The following WDPCP variants were observed in gnomAD, a reference collection of about 807,000 sequenced individuals.
The protein encoded by WDPCP is WD repeat-containing and planar cell polarity effector protein fritz homolog.
A neutral mutation model predicts 93.1 loss-of-function variants in WDPCP; 71 were observed. The observed-to-expected ratio is 0.76, with a 90% CI of 0.63 to 0.93. The LOEUF is 0.93. Ranked by LOEUF, WDPCP falls within the 40% of genes least tolerant of loss-of-function variation. The pLI, the probability that WDPCP is intolerant of heterozygous loss-of-function variation, is 0.00. For missense variants in WDPCP, 844 were observed against 887.4 expected (o/e 0.95, Z 0.62); for synonymous variants, 315 against 315.0 (o/e 1.00, Z 0.00).
At chr2:63,389,228 G>C (rs1197296030) in intron 10 of WDPCP, among the ~76,000 whole-genome samples, 1 of 152,152 alleles carries the variant, frequency 6.6e-6, no homozygotes, top group Non-Finnish European at 1.5e-5. Flanking sequence ...AGCCAGAAGA[G>C]GGTGGGGGCA....
intron 12 of WDPCP, among the ~76,000 whole-genome samples, chr2:63,330,355 T>C (rs990494689): frequency 6.6e-6 from 1 of 152,338 alleles, no homozygotes; most frequent in South Asian, 2.1e-4. Context: ...TCTTTCCATA[T>C]ACCTGTTGGA....
chr2:63,199,778 G>A (rs1559196185), intron 14 of WDPCP, among the ~76,000 whole-genome samples: 1 of 152,204 alleles, frequency 6.6e-6, no homozygotes, highest in African/African-American at 2.4e-5. Context: ...CTGGGGCACT[G>A]CCTAGTGGAG....
At chr2:63,335,712 C>T (rs545890338) in intron 12 of WDPCP, among the ~76,000 whole-genome samples, 28 of 152,220 alleles carry the variant, frequency 1.8e-4, no homozygotes, top group Non-Finnish European at 2.8e-4. Flanking sequence ...GTCAGAGGCA[C>T]GTGAACCGGA....
intron 2 of WDPCP, among the ~76,000 whole-genome samples, chr2:63,799,154 G>A (rs552090707): frequency 3.9e-5 from 6 of 152,158 alleles, no homozygotes; most frequent in Middle Eastern, 6.8e-3. Context: ...TCCCTATTAC[G>A]TATGTCAACT....
At chr2:63,398,545 G>A (rs998477659) in intron 10 of WDPCP, among the ~76,000 whole-genome samples, 2 of 152,038 alleles carry the variant, frequency 1.3e-5, no homozygotes, top group Non-Finnish European at 1.5e-5. Flanking sequence ...TTAAGAAATG[G>A]AAGCTCTAGC....
intron 3 of WDPCP, among the ~76,000 whole-genome samples, chr2:63,629,471 G>A (rs1404899966): frequency 3.3e-5 from 5 of 152,162 alleles, no homozygotes; most frequent in African/African-American, 7.2e-5. Context: ...GACTTCCACC[G>A]TACTCGGTAT....
chr2:63,453,618 CA>C (rs1294633968), intron 6 of WDPCP, among the ~76,000 whole-genome samples: 1 of 152,162 alleles, frequency 6.6e-6, no homozygotes, highest in Non-Finnish European at 1.5e-5. Flanking sequence ...GAATATAAAT[CA>C]TGCTGCTATA....
intron 14 of WDPCP, among the ~76,000 whole-genome samples, chr2:63,243,455 T>C (rs34984815): frequency 0.16 from 24,822 of 152,104 alleles, 2,267 homozygotes; most frequent in Admixed American, 0.24. Flanking sequence ...TTTGTGAACA[T>C]CTCCCATTTT....
chr2:63,834,251 A>G, the WDPCP span, among the ~76,000 whole-genome samples: 1 of 152,230 alleles, frequency 6.6e-6, no homozygotes, highest in Admixed American at 6.5e-5. Flanking sequence ...GCAGTCTTCA[A>G]TAAATTTCTA....
intron 2 of WDPCP, among the ~76,000 whole-genome samples, chr2:63,661,368 T>A (rs556042573): frequency 6.6e-6 from 1 of 152,192 alleles, no homozygotes; most frequent in Non-Finnish European, 1.5e-5. Flanking sequence ...TGCTGTTTCC[T>A]TAGTGAGTAT....
At chr2:63,387,553 C>T (rs975621881) in intron 10 of WDPCP, among the ~76,000 whole-genome samples, 1 of 151,950 alleles carries the variant, frequency 6.6e-6, no homozygotes, top group Non-Finnish European at 1.5e-5. Context: ...TGGGCAAAAG[C>T]TGGAAAACTG....
chr2:63,123,299 A>G (rs1197318977), intron 17 of WDPCP, among the ~76,000 whole-genome samples: 5 of 152,130 alleles, frequency 3.3e-5, no homozygotes, highest in Non-Finnish European at 5.9e-5. Flanking sequence ...TTGTTCATCA[A>G]CTGGCAGAGA....
chr2:63,573,367 T>C (rs943584781), intron 1 of WDPCP, among the ~76,000 whole-genome samples: 3 of 152,286 alleles, frequency 2.0e-5, no homozygotes, highest in East Asian at 1.9e-4. Context: ...GGCAGAAGAA[T>C]GTGGATTGTG....
At position 63,482,798 on chromosome 2, in the gene WDPCP, G is replaced by C. The variant is rs532355926; in HGVS notation, c.384+1806C>G. Among the ~76,000 whole-genome samples the C allele has an allele frequency of 5.3e-5, 8 of 151,884 alleles. No individual in the cohort carries two copies. In the South Asian group the frequency reaches 1.7e-3, roughly 32 times the overall value. The stretch of plus-strand genomic sequence containing the variant: ...TGCTGAGAGTATAAGGTCTATTTTA[G>C]AAATATCTTTATAATCATAGAAATG... On this transcript the variant is annotated intron_variant, in intron 6 of 17. Transcript: ENST00000272321.
chr2:63,571,691 T>G (rs1286154863), intron 1 of WDPCP: 1 of 460,270 alleles, frequency 2.2e-6, no homozygotes, highest in African/African-American at 2.0e-5. Flanking sequence ...TATTTTAAGA[T>G]GCCAGAAAAG....
At chr2:63,836,802 T>C in the WDPCP span, among the ~76,000 whole-genome samples, 1 of 152,166 alleles carries the variant, frequency 6.6e-6, no homozygotes. Context: ...GAAAACAAAA[T>C]AGTAAGGACC....
chr2:63,369,012 A>G (rs1691165909), intron 12 of WDPCP: 1 of 154,390 alleles, frequency 6.5e-6, no homozygotes, highest in African/African-American at 2.4e-5. Flanking sequence ...GTATTCATGA[A>G]TGTAAACAGC....
At chr2:63,579,413 C>A (rs550678757) in intron 1 of WDPCP, among the ~76,000 whole-genome samples, 1 of 152,102 alleles carries the variant, frequency 6.6e-6, no homozygotes, top group Non-Finnish European at 1.5e-5. Flanking sequence ...AGTTTGAGAC[C>A]AGCCTGGCCA....
chr2:63,580,048 C>T (rs943370034), intron 1 of WDPCP, among the ~76,000 whole-genome samples: 7 of 152,120 alleles, frequency 4.6e-5, no homozygotes, highest in African/African-American at 1.4e-4. Context: ...ATGACCCTCA[C>T]CAGAAGCCAA....
Sources: gnomAD v4.1 joint callset for allele counts (sites outside exome capture counted in the v4.1 genomes callset) on GRCh38, gnomAD v4.1.1 for gene constraint, MANE v1.5 for transcripts, NCBI Gene and HGNC (gene_info 2026-07-23, HGNC 2026-07-21) for gene names.